Variants in MINDY2 observed in about 807,000 individuals in gnomAD.
MINDY2 encodes MINDY lysine 48 deubiquitinase 2, also known as ubiquitin carboxyl-terminal hydrolase MINDY-2.
MINDY2 carries 52 observed loss-of-function variants against 68.2 expected under a neutral mutation model. That is an observed-to-expected ratio of 0.76 (90% CI 0.61 to 0.96). The LOEUF is 0.96. Among genes scored for constraint, MINDY2 ranks in the 40% least tolerant of loss-of-function variants. The pLI is 0.00. For synonymous variants in MINDY2, 372 were observed against 303.0 expected, an observed-to-expected ratio of 1.23 and a Z score of -2.36; for missense variants, 881 against 773.4, an observed-to-expected ratio of 1.14 and a Z score of -1.65.
chr15:58,820,650 G>A (rs546746230), intron 4 of MINDY2, among the ~76,000 whole-genome samples: 132 of 152,206 alleles, frequency 8.7e-4, no homozygotes, highest in African/African-American at 2.9e-3. Flanking sequence ...ACTTCGCTAT[G>A]CATCGGAATC....
intron 2 of MINDY2, among the ~76,000 whole-genome samples, chr15:58,798,748 G>A (rs1469210583): frequency 6.6e-6 from 1 of 152,086 alleles, no homozygotes; most frequent in East Asian, 1.9e-4. Flanking sequence ...CAGCCACCAC[G>A]CCCAGCAATC....
chr15:58,835,585 G>A (rs1240930798), intron 6 of MINDY2, among the ~76,000 whole-genome samples: 2 of 152,142 alleles, frequency 1.3e-5, no homozygotes, highest in Non-Finnish European at 2.9e-5. Context: ...CCTGGGAGGT[G>A]GAGGTTGCAG....
At chr15:58,801,098 T>C (rs12901817) in intron 2 of MINDY2, among the ~76,000 whole-genome samples, 38,581 of 151,790 alleles carry the variant, frequency 0.25, 5,363 homozygotes, top group East Asian at 0.61. Flanking sequence ...CTCAGCCTCC[T>C]GAGTAGTTGG....
intron 6 of MINDY2, among the ~76,000 whole-genome samples, chr15:58,846,523 G>A (rs1355269908): frequency 6.6e-6 from 1 of 150,748 alleles, no homozygotes; most frequent in Non-Finnish European, 1.5e-5. Context: ...AACCCAGGAG[G>A]CGGAGGTTGC....
intron 3 of MINDY2, among the ~76,000 whole-genome samples, chr15:58,806,889 G>T (rs868155051): frequency 6.6e-6 from 1 of 152,034 alleles, no homozygotes; most frequent in Non-Finnish European, 1.5e-5. Context: ...ATGTTGTTTG[G>T]GGGGAACAGT....
At chr15:58,792,205 C>A (rs1901989837) in intron 2 of MINDY2, among the ~76,000 whole-genome samples, 2 of 152,210 alleles carry the variant, frequency 1.3e-5, no homozygotes, top group Admixed American at 1.3e-4. Flanking sequence ...CTTTGGAAAG[C>A]AGTTTGGCAA....
chr15:58,820,489 T>G (rs766419006), intron 4 of MINDY2, among the ~76,000 whole-genome samples: 2 of 152,162 alleles, frequency 1.3e-5, no homozygotes, highest in Non-Finnish European at 2.9e-5. Context: ...TGTAAACATT[T>G]TCCACAATTT....
intron 5 of MINDY2, among the ~76,000 whole-genome samples, chr15:58,823,796 A>G (rs4775094): frequency 0.45 from 67,982 of 151,986 alleles, 16,760 homozygotes; most frequent in East Asian, 0.85. Context: ...AATAAAAACT[A>G]TTACAAAAGT....
chr15:58,804,329 A>G (rs1902874570), intron 3 of MINDY2, among the ~76,000 whole-genome samples: 1 of 152,202 alleles, frequency 6.6e-6, no homozygotes. Flanking sequence ...ATAAAGTTTA[A>G]TTTATATCAT....
chr15:58,823,139 CTTTT>C (rs74641422), intron 5 of MINDY2, among the ~76,000 whole-genome samples: 3 of 132,060 alleles, frequency 2.3e-5, no homozygotes, highest in Admixed American at 7.7e-5. Context: ...TTTTTTTTTT[CTTTT>C]TTTTTTTTTT....
chr15:58,778,700 C>A (rs745500166), intron 1 of MINDY2, among the ~76,000 whole-genome samples: 4 of 151,802 alleles, frequency 2.6e-5, no homozygotes, highest in Non-Finnish European at 5.9e-5. Flanking sequence ...AATCATGGCT[C>A]CGAATAGCCT....
At chr15:58,812,314 G>A (rs1021924466) in intron 4 of MINDY2, among the ~76,000 whole-genome samples, 3 of 151,894 alleles carry the variant, frequency 2.0e-5, no homozygotes, top group Non-Finnish European at 4.4e-5. Flanking sequence ...GCAGGCGCCT[G>A]TAATCCTAGC....
intron 7 of MINDY2, among the ~76,000 whole-genome samples, chr15:58,849,729 T>G (rs569926214): frequency 1.3e-5 from 2 of 152,244 alleles, no homozygotes; most frequent in African/African-American, 4.8e-5. Context: ...TATGACAAGA[T>G]CTTTCCAGGC....
intron 1 of MINDY2, among the ~76,000 whole-genome samples, chr15:58,774,204 C>T (rs545718404): frequency 2.0e-5 from 3 of 152,136 alleles, no homozygotes; most frequent in East Asian, 3.9e-4. Flanking sequence ...AAGATGAGGC[C>T]GGGCGCGGTG....
intron 5 of MINDY2, among the ~76,000 whole-genome samples, chr15:58,822,929 C>A (rs1446752355): frequency 6.6e-6 from 1 of 151,922 alleles, no homozygotes; most frequent in South Asian, 2.1e-4. Flanking sequence ...AAGTTTATTA[C>A]AATTATCACA....
intron 6 of MINDY2, among the ~76,000 whole-genome samples, chr15:58,839,129 T>C (rs1432247573): frequency 6.6e-6 from 1 of 152,000 alleles, no homozygotes; most frequent in East Asian, 1.9e-4. Flanking sequence ...TTTTTGAGTG[T>C]GCGTTAAAAT....
intron 5 of MINDY2, among the ~76,000 whole-genome samples, chr15:58,824,555 A>G (rs1292733346): frequency 6.6e-6 from 1 of 152,186 alleles, no homozygotes; most frequent in Non-Finnish European, 1.5e-5. Context: ...CATTTGAAAT[A>G]ATTACTTAAC....
Position 58,772,213 on chromosome 15 carries a change from ATG to A in MINDY2, c.820_821del (p.Val274PhefsTer19). On this transcript the variant is annotated frameshift_variant, in exon 1 of 9. Coordinates refer to ENST00000559228, the MANE Select transcript of MINDY2 (RefSeq NM_001040450.3). LOFTEE classifies it high-confidence loss of function. Reference sequence around the variant, plus strand: ...CCCTGCCCCTTGCTGGCCATCCTCAATGTTTTGCTCCTGGCCTGGAAGGTACA... The same window carrying A: ...CCCTGCCCCTTGCTGGCCATCCTCAATTTTGCTCCTGGCCTGGAAGGTACA... 6.2e-7 allele frequency: 1 copy of A among 1,612,418 alleles called. No individual in the cohort carries two copies. Among genetic ancestry groups the A allele is most frequent in the Non-Finnish European group, 8.5e-7 (1 of 1,180,008 alleles).
intron 6 of MINDY2, among the ~76,000 whole-genome samples, chr15:58,834,639 C>G (rs2031906675): frequency 6.6e-6 from 1 of 152,014 alleles, no homozygotes; most frequent in Non-Finnish European, 1.5e-5. Flanking sequence ...TTGGCTACAT[C>G]ATCTTTTTTT....
Sources: gnomAD v4.1 joint callset for allele counts (sites outside exome capture counted in the v4.1 genomes callset) on GRCh38, gnomAD v4.1.1 for gene constraint, MANE v1.5 for transcripts, NCBI Gene and HGNC (gene_info 2026-07-23, HGNC 2026-07-21) for gene names.